TMEM63A: variants seen among roughly 807,000 people sequenced by gnomAD.
TMEM63A encodes the protein mechanosensitive cation channel TMEM63A.
Under a neutral mutation model 100.6 loss-of-function variants are expected in TMEM63A, and 76 were observed. The ratio of observed to expected loss-of-function variants is 0.76; its 90% CI spans 0.63 to 0.91. The LOEUF is 0.91. Ranked by LOEUF, TMEM63A falls within the 40% of genes least tolerant of loss-of-function variation. The probability of loss-of-function intolerance (pLI) is 0.00; values close to 1 mark genes in which losing one functional copy is unlikely to be tolerated. For synonymous variants in TMEM63A, 401 were observed against 401.1 expected (o/e 1.00, Z 0.00); for missense variants, 876 against 1,008.8 (o/e 0.87, Z 1.78).
At chr1:225,876,268 C>T (rs1221952261) in intron 3 of TMEM63A, among the ~76,000 whole-genome samples, 1 of 151,510 alleles carries the variant, frequency 6.6e-6, no homozygotes, top group Non-Finnish European at 1.5e-5. Flanking sequence ...TCCTCTAATC[C>T]CACCAATTCT....
At chr1:225,843,272 G>C (rs916017135), downstream of TMEM63A, among the ~76,000 whole-genome samples, 4 of 152,182 alleles carry the variant, frequency 2.6e-5, no homozygotes, top group East Asian at 1.9e-4. Flanking sequence ...TTTGGGCCTT[G>C]GAGGATAAGT....
Position 225,877,549 on chromosome 1 carries a change from T to C in TMEM63A, c.32A>G (p.Gln11Arg). 6.2e-7 allele frequency: 1 copy of C among 1,613,958 alleles called. No homozygotes were observed. Among genetic ancestry groups the C allele is most frequent in the South Asian group, 1.1e-5 (1 of 91,088 alleles). The change falls in exon 3 of 25, where the codon CAG (glutamine) becomes CGG (arginine). Residue 11 changes from glutamine to arginine, a missense_variant. Gln to Arg is a conservative substitution (Grantham distance 43). Coordinates refer to ENST00000366835, the MANE Select transcript of TMEM63A (RefSeq NM_014698.3). MMDSPFLELWQSKAVSIREQL... is the reference protein window; with the variant it reads MMDSPFLELWRSKAVSIREQL... ...CTCCCTGATGGACACTGCCTTGGACTGCCACAGCTCCAGGAACGGGGAGTC... is the reference window on the plus strand; with the variant it reads ...CTCCCTGATGGACACTGCCTTGGACCGCCACAGCTCCAGGAACGGGGAGTC...
chr1:225,848,412 C>CGG (rs753299433), intron 23 of TMEM63A, 80 bp downstream of exon 23: 25 of 1,447,270 alleles, frequency 1.7e-5, no homozygotes, highest in Non-Finnish European at 2.2e-5. Context: ...AAAGATTTGC[C>CGG]GGGGCCCATC....
At chr1:225,872,658 T>TAAA (rs1670568964) in intron 4 of TMEM63A, among the ~76,000 whole-genome samples, 1 of 151,548 alleles carries the variant, frequency 6.6e-6, no homozygotes, top group Non-Finnish European at 1.5e-5. Flanking sequence ...ATCTGAGGTG[T>TAAA]TTGCAATACG....
At chr1:225,872,100 A>T (rs749467539) in intron 4 of TMEM63A, 47 bp from the exon 5 acceptor site, 1 of 1,441,284 alleles carries the variant, frequency 6.9e-7, no homozygotes, top group Admixed American at 2.0e-5. Context: ...CTTAGAAAAA[A>T]AAAAAAGCCA....
chr1:225,847,300 C>T lies in TMEM63A; in HGVS notation c.2251-87G>A, dbSNP rs369227345. The T allele has an allele frequency of 8.4e-5, 125 of 1,492,350 alleles. 2 individuals carry two copies. In the African/African-American group the frequency reaches 1.6e-3, roughly 19 times the overall value. 92.4% of individuals were successfully genotyped at this position (1,492,350 alleles called of 1,614,324 possible). ...CCCTCCTGCCCTTCTCCCAACAGGACACAGACAGTGGCCATAAAGGACATA... is the reference window on the plus strand; with the variant it reads ...CCCTCCTGCCCTTCTCCCAACAGGATACAGACAGTGGCCATAAAGGACATA... On this transcript the variant is annotated intron_variant, in intron 23 of 24. Transcript: ENST00000366835.
At chr1:225,868,313 CGTGT>C (rs778417601) in intron 6 of TMEM63A, among the ~76,000 whole-genome samples, 1 of 152,042 alleles carries the variant, frequency 6.6e-6, no homozygotes, top group African/African-American at 2.4e-5. Flanking sequence ...GCCCAAGTTA[CGTGT>C]GTGGGAAAGG....
Position 225,856,593 on chromosome 1 carries a change from C to G in TMEM63A, c.1571+59G>C, listed in dbSNP as rs562894840. The G allele has an allele frequency of 1.0e-4, 156 of 1,558,650 alleles. No individual in the cohort carries two copies. In the East Asian group the frequency reaches 3.3e-3, roughly 33 times the overall value. ...CAAACCGTTTGCATTCTCCTGGGGA[C>G]AGTGCTCTCCTGATGTGACTCTTAT... On this transcript the variant is annotated intron_variant, in intron 17 of 24. Coordinates refer to ENST00000366835, the MANE Select transcript of TMEM63A (RefSeq NM_014698.3).
chr1:225,871,749 G>A, intron 5 of TMEM63A: 1 of 519,370 alleles, frequency 1.9e-6, no homozygotes, highest in South Asian at 3.0e-5. Flanking sequence ...AGAAGTGCTG[G>A]GGAAGCCCAA....
chr1:225,854,141 CG>C (rs1669494448), intron 18 of TMEM63A, among the ~76,000 whole-genome samples: 1 of 151,554 alleles, frequency 6.6e-6, no homozygotes, highest in Non-Finnish European at 1.5e-5. Flanking sequence ...AGGTGATATT[CG>C]TGCAGAAATG....
intron 23 of TMEM63A, among the ~76,000 whole-genome samples, chr1:225,847,921 C>A (rs72754965): frequency 0.021 from 3,144 of 152,294 alleles, 51 homozygotes; most frequent in Non-Finnish European, 0.034. Context: ...GTGACTACAG[C>A]TCTGGAACCC....
At chr1:225,848,312 T>C (rs1192844865) in intron 23 of TMEM63A, 180 bp downstream of exon 23, 1 of 628,526 alleles carries the variant, frequency 1.6e-6, no homozygotes, top group Non-Finnish European at 2.8e-6. Context: ...GTTTCAAATA[T>C]GCAGGTTAAA....
At chr1:225,864,429 A>C (rs1670098927) in intron 10 of TMEM63A, 1 of 152,256 alleles carries the variant, frequency 6.6e-6, no homozygotes, top group African/African-American at 2.4e-5. Context: ...TTCATACATC[A>C]ATCCCCACGG....
intron 15 of TMEM63A, 74 bp from the exon 16 acceptor site, chr1:225,857,091 G>T: frequency 7.8e-7 from 1 of 1,280,332 alleles, no homozygotes. Flanking sequence ...TGACCTATTG[G>T]TATGGTCGCT....
chr1:225,866,792 T>A, intron 8 of TMEM63A, 110 bp from the exon 9 acceptor site: 1 of 941,088 alleles, frequency 1.1e-6, no homozygotes, highest in South Asian at 1.5e-5. Flanking sequence ...GACCAACAGC[T>A]TCACTGCAAG....
At chr1:225,874,441 T>A in intron 3 of TMEM63A, 74 bp from the exon 4 acceptor site, 2 of 1,361,762 alleles carry the variant, frequency 1.5e-6, no homozygotes, top group Non-Finnish European at 2.1e-6. Flanking sequence ...GTCTCAGGGG[T>A]AAAGCCCACC....
rs138912199 is a variant in TMEM63A, at chr1:225,847,178, C to T, written c.2286G>A (p.Ser762=). Residue 762 remains serine (S), a synonymous_variant, in exon 24 of 25, where the codon TCG becomes TCA. Transcript: ENST00000366835. ...GCTGCGGAGACAGTGCTGTCCTCTC[C>T]GAGGCCAAGCCGTTCAGAATCCGAG... is the stretch of plus-strand genomic sequence containing the variant. ...YVPRILNGLA[S]ERTALSPQQQ... The T allele has an allele frequency of 3.9e-4, 625 of 1,613,212 alleles. No homozygotes were observed. The highest frequency in any genetic ancestry group is 5.0e-4 in the Non-Finnish European group (592 of 1,179,994).
chr1:225,859,433 A>G, intron 14 of TMEM63A, 84 bp from the exon 15 acceptor site: 1 of 1,526,414 alleles, frequency 6.6e-7, no homozygotes, highest in Non-Finnish European at 8.9e-7. Flanking sequence ...AGATTTAGGC[A>G]GACCAAGAGA....
chr1:225,855,842 G>A, intron 18 of TMEM63A, 36 bp downstream of exon 18: 1 of 1,609,864 alleles, frequency 6.2e-7, no homozygotes, highest in South Asian at 1.1e-5. Context: ...TTTCACCCAG[G>A]GCCATGGCTC....
Sources: allele counts gnomAD v4.1 joint callset (sites outside exome capture counted in the v4.1 genomes callset), GRCh38; gene constraint gnomAD v4.1.1; transcripts MANE v1.5; gene names NCBI Gene and HGNC (gene_info 2026-07-23, HGNC 2026-07-21).